Variants in IPCEF1 observed in about 807,000 individuals in gnomAD.
IPCEF1 encodes the protein interactor protein for cytohesin exchange factors 1.
In IPCEF1, 31 loss-of-function variants were observed where a neutral mutation model predicts 50.9. The ratio of observed to expected loss-of-function variants is 0.61; its 90% confidence interval spans 0.46 to 0.82. IPCEF1 has a LOEUF of 0.82. Among genes scored for constraint, IPCEF1 ranks in the 40% least tolerant of loss-of-function variants. The pLI, the probability that IPCEF1 is intolerant of heterozygous loss-of-function variation, is 0.00. For synonymous variants in IPCEF1, 181 were observed against 192.0 expected, an observed-to-expected ratio of 0.94 and a Z score of 0.47; for missense variants, 458 against 514.0, an observed-to-expected ratio of 0.89 and a Z score of 1.05.
At chr6:154,298,083 T>C (rs908405513) in intron 1 of IPCEF1, among the ~76,000 whole-genome samples, 4 of 152,252 alleles carry the variant, frequency 2.6e-5, no homozygotes, top group Admixed American at 1.3e-4. Context: ...AGGAACACTT[T>C]TGAGGTTCAA....
chr6:154,171,649 A>G, intron 10 of IPCEF1, among the ~76,000 whole-genome samples: 1 of 152,242 alleles, frequency 6.6e-6, no homozygotes, highest in East Asian at 1.9e-4. Flanking sequence ...AAAACTATAA[A>G]AAGTAGTCAT....
At chr6:154,284,721 G>C (rs1782314760) in intron 2 of IPCEF1, among the ~76,000 whole-genome samples, 1 of 152,184 alleles carries the variant, frequency 6.6e-6, no homozygotes, top group African/African-American at 2.4e-5. Flanking sequence ...CAGAGTTATA[G>C]CCAGGCACAG....
chr6:154,221,582 A>G (rs1297369084), intron 6 of IPCEF1, among the ~76,000 whole-genome samples: 1 of 152,210 alleles, frequency 6.6e-6, no homozygotes, highest in African/African-American at 2.4e-5. Flanking sequence ...CATTTAAAAC[A>G]TATAGGTATG....
At chr6:154,316,910 A>G (rs1182005318) in intron 1 of IPCEF1, among the ~76,000 whole-genome samples, 1 of 152,230 alleles carries the variant, frequency 6.6e-6, no homozygotes, top group Non-Finnish European at 1.5e-5. Flanking sequence ...GTTAATTGGA[A>G]TAATAATAAT....
At chr6:154,304,744 C>A (rs1782887962) in intron 1 of IPCEF1, among the ~76,000 whole-genome samples, 1 of 152,120 alleles carries the variant, frequency 6.6e-6, no homozygotes, top group South Asian at 2.1e-4. Context: ...GGGAAATTTC[C>A]TGCCTGTATC....
chr6:154,326,764 C>G (rs949542826), intron 1 of IPCEF1, among the ~76,000 whole-genome samples: 1 of 152,106 alleles, frequency 6.6e-6, no homozygotes, highest in African/African-American at 2.4e-5. Flanking sequence ...CAAGACAATC[C>G]TAAGCAAAAA....
intron 8 of IPCEF1, among the ~76,000 whole-genome samples, chr6:154,213,767 G>A (rs1778154466): frequency 6.6e-6 from 1 of 152,172 alleles, no homozygotes; most frequent in African/African-American, 2.4e-5. Context: ...AATATGGCCT[G>A]TGTCCCAGTA....
intron 3 of IPCEF1, among the ~76,000 whole-genome samples, chr6:154,251,247 A>G (rs1234299681): frequency 6.6e-6 from 1 of 152,222 alleles, no homozygotes; most frequent in Non-Finnish European, 1.5e-5. Flanking sequence ...TAATAACAGA[A>G]GCAGTAATAA....
At chr6:154,277,342 C>T (rs1290615154) in intron 2 of IPCEF1, among the ~76,000 whole-genome samples, 11 of 152,140 alleles carry the variant, frequency 7.2e-5, no homozygotes, top group Admixed American at 5.2e-4. Flanking sequence ...TTCTTAAATA[C>T]CCCCCATCCC....
intron 10 of IPCEF1, among the ~76,000 whole-genome samples, chr6:154,187,107 T>C (rs1801440928): frequency 6.6e-6 from 1 of 151,210 alleles, no homozygotes; most frequent in Admixed American, 6.6e-5. Context: ...ACTGCACTTG[T>C]TGTGTTTTTG....
Position 154,157,331 on chromosome 6 carries a change from G to C in IPCEF1, c.*2497C>G, listed in dbSNP as rs1798757076. 2 of 152,320 alleles carry C rather than the reference G, an allele frequency of 1.3e-5. No individual in the cohort carries two copies. Among genetic ancestry groups the C allele is most frequent in the South Asian group, 2.1e-4 (1 of 4,828 alleles). The allele number at this position is 152,320 out of a possible 1,614,324, so 9.4% of individuals were successfully genotyped here. A position where few individuals can be genotyped will look rare whatever the true frequency, so the allele number is the denominator to read the frequency against. On this transcript the variant is annotated 3_prime_UTR_variant, in exon 12 of 12. Transcript: ENST00000367220. ...CTGGTCAAAAGCAAAATAATTTACA[G>C]GGGGAAAAACACGAATGAGCAGGCA... is the stretch of plus-strand genomic sequence containing the variant.
At chr6:154,181,155 C>T (rs1322003377) in intron 10 of IPCEF1, among the ~76,000 whole-genome samples, 1 of 151,956 alleles carries the variant, frequency 6.6e-6, no homozygotes, top group Non-Finnish European at 1.5e-5. Context: ...GATTTGAAAT[C>T]ATAATGATAT....
chr6:154,233,143 A>G (rs1041642004), intron 5 of IPCEF1, among the ~76,000 whole-genome samples: 6 of 151,994 alleles, frequency 3.9e-5, no homozygotes, highest in African/African-American at 1.5e-4. Flanking sequence ...TAATTTTTGT[A>G]TTTTTAATAG....
chr6:154,213,835 G>A (rs932210733), intron 8 of IPCEF1, among the ~76,000 whole-genome samples: 1 of 152,172 alleles, frequency 6.6e-6, no homozygotes, highest in Non-Finnish European at 1.5e-5. Context: ...ACACCTGGTG[G>A]AAATATTAAA....
chr6:154,252,228 A>G (rs1372254750), intron 3 of IPCEF1, among the ~76,000 whole-genome samples: 1 of 152,230 alleles, frequency 6.6e-6, no homozygotes, highest in African/African-American at 2.4e-5. Context: ...ATGCCCCAGA[A>G]AAGCAATAGA....
chr6:154,201,001 A>G (rs1298273492), intron 9 of IPCEF1, among the ~76,000 whole-genome samples: 1 of 152,118 alleles, frequency 6.6e-6, no homozygotes, highest in Non-Finnish European at 1.5e-5. Flanking sequence ...TTCTCATGAT[A>G]GTGAGTGAGT....
At chr6:154,189,556 ATAGC>A (rs951066512) in intron 10 of IPCEF1, among the ~76,000 whole-genome samples, 58 of 152,362 alleles carry the variant, frequency 3.8e-4, no homozygotes, top group African/African-American at 1.3e-3. Context: ...ATAGTTCAAG[ATAGC>A]TAGAAGATTT....
At chr6:154,172,652 A>T (rs1266319225) in intron 10 of IPCEF1, among the ~76,000 whole-genome samples, 4 of 152,234 alleles carry the variant, frequency 2.6e-5, no homozygotes, top group Non-Finnish European at 5.9e-5. Flanking sequence ...ACAAAGCAGC[A>T]GGGAAGCTCG....
intron 5 of IPCEF1, among the ~76,000 whole-genome samples, chr6:154,228,849 C>A (rs1284060850): frequency 6.6e-6 from 1 of 152,202 alleles, no homozygotes; most frequent in Non-Finnish European, 1.5e-5. Flanking sequence ...GATGGTGCCA[C>A]TTGCACTCCA....
Sources: allele counts gnomAD v4.1 joint callset (sites outside exome capture counted in the v4.1 genomes callset), GRCh38; gene constraint gnomAD v4.1.1; transcripts MANE v1.5; gene names NCBI Gene and HGNC (gene_info 2026-07-23, HGNC 2026-07-21).